Variants in RPSA2 observed in about 807,000 individuals in gnomAD.
The protein encoded by RPSA2 is small ribosomal subunit protein uS2B.
At chr19:23,806,228 A>G in the RPSA2 span, among the ~76,000 whole-genome samples, 1 of 151,770 alleles carries the variant, frequency 6.6e-6, no homozygotes, top group Non-Finnish European at 1.5e-5. Flanking sequence ...TATTTTTAGT[A>G]GAGACGGGGT....
the RPSA2 span, among the ~76,000 whole-genome samples, chr19:23,863,429 T>C: frequency 6.6e-6 from 1 of 151,958 alleles, no homozygotes; most frequent in East Asian, 1.9e-4. Context: ...CCAGGCATCG[T>C]GATAGGCACC....
the RPSA2 span, among the ~76,000 whole-genome samples, chr19:23,859,527 T>C: frequency 3.9e-5 from 6 of 152,082 alleles, no homozygotes; most frequent in African/African-American, 2.4e-5. Context: ...CCCAGGATGC[T>C]TAGTTAGGAG....
At chr19:23,850,056 AGAG>A in the RPSA2 span, among the ~76,000 whole-genome samples, 1 of 152,064 alleles carries the variant, frequency 6.6e-6, no homozygotes, top group Admixed American at 6.5e-5. Flanking sequence ...TCTGAGGCAC[AGAG>A]GAGGGTATTT....
the RPSA2 span, among the ~76,000 whole-genome samples, chr19:23,856,725 G>A: frequency 1.3e-5 from 2 of 152,102 alleles, no homozygotes; most frequent in Non-Finnish European, 2.9e-5. Flanking sequence ...GAATTTTACA[G>A]CTGGGCCGCT....
chr19:23,867,215 A>G, the RPSA2 span, among the ~76,000 whole-genome samples: 2 of 152,012 alleles, frequency 1.3e-5, no homozygotes, highest in African/African-American at 4.8e-5. Context: ...GTAAGGATTG[A>G]CCCCCATCCT....
At chr19:23,764,458 T>C in the RPSA2 span, among the ~76,000 whole-genome samples, 1 of 152,216 alleles carries the variant, frequency 6.6e-6, no homozygotes, top group Admixed American at 6.5e-5. Context: ...TGGCAGGTTT[T>C]TAAAGATTTG....
chr19:23,819,906 T>C, the RPSA2 span, among the ~76,000 whole-genome samples: 1 of 152,202 alleles, frequency 6.6e-6, no homozygotes, highest in Non-Finnish European at 1.5e-5. Flanking sequence ...TCAATAACTG[T>C]GTTAGTTCTT....
the RPSA2 span, among the ~76,000 whole-genome samples, chr19:23,789,015 CTTTCTTTCTTT>C: frequency 3.5e-3 from 38 of 10,896 alleles, 2 homozygotes; most frequent in South Asian, 0.13. Context: ...TCTTTTTTTT[CTTTCTTTCTTT>C]TTTTTTTTTT....
chr19:23,778,995 C>CTTTTTTTTTTTTTTT, the RPSA2 span, among the ~76,000 whole-genome samples: 1 of 80,696 alleles, frequency 1.2e-5, no homozygotes, highest in African/African-American at 5.2e-5. Context: ...TTTTGTGACA[C>CTTTTTTTTTTTTTTT]TTTTTTTTTT....
chr19:23,788,915 A>G, the RPSA2 span, among the ~76,000 whole-genome samples: 1 of 148,540 alleles, frequency 6.7e-6, no homozygotes, highest in East Asian at 2.0e-4. Context: ...TGTGTGTCTC[A>G]CCTCTCAGGG....
chr19:23,851,501 T>A, the RPSA2 span, among the ~76,000 whole-genome samples: 6 of 152,212 alleles, frequency 3.9e-5, no homozygotes, highest in Non-Finnish European at 7.3e-5. Flanking sequence ...AACCACCTGT[T>A]GTAACCTTGA....
the RPSA2 span, among the ~76,000 whole-genome samples, chr19:23,782,907 C>T: frequency 2.0e-5 from 3 of 152,006 alleles, no homozygotes; most frequent in Admixed American, 2.0e-4. Context: ...ACTTGTTTGC[C>T]TAGGCCATCC....
At chr19:23,867,647 A>C in the RPSA2 span, among the ~76,000 whole-genome samples, 10 of 152,026 alleles carry the variant, frequency 6.6e-5, no homozygotes, top group African/African-American at 9.7e-5. Context: ...TGGCTAACAC[A>C]GTGAAACCCC....
the RPSA2 span, among the ~76,000 whole-genome samples, chr19:23,815,391 C>CTTGGGACCATCCTCT: frequency 6.6e-6 from 1 of 152,114 alleles, no homozygotes; most frequent in Admixed American, 6.6e-5. Flanking sequence ...TCATAAATAG[C>CTTGGGACCATCCTCT]TGGTAATCAA....
At chr19:23,835,386 GA>G in the RPSA2 span, among the ~76,000 whole-genome samples, 60 of 151,884 alleles carry the variant, frequency 4.0e-4, no homozygotes, top group African/African-American at 1.3e-3. Context: ...ATTTTTAGCA[GA>G]AAAAAATATT....
the RPSA2 span, among the ~76,000 whole-genome samples, chr19:23,791,583 C>T: frequency 2.0e-5 from 3 of 152,196 alleles, no homozygotes; most frequent in East Asian, 5.8e-4. Flanking sequence ...GTCCACCCCT[C>T]ATCCCATATT....
chr19:23,838,915 C>A, the RPSA2 span, among the ~76,000 whole-genome samples: 1 of 152,018 alleles, frequency 6.6e-6, no homozygotes, highest in African/African-American at 2.4e-5. Context: ...CATTTACCTT[C>A]TGTATTTTTT....
the RPSA2 span, among the ~76,000 whole-genome samples, chr19:23,813,364 T>C: frequency 2.6e-5 from 4 of 152,330 alleles, no homozygotes; most frequent in South Asian, 2.1e-4. Context: ...TTACTCATTT[T>C]ATGCTCTCTC....
At chr19:23,833,050 C>G in the RPSA2 span, 3 of 1,355,720 alleles carry the variant, frequency 2.2e-6, no homozygotes, top group Non-Finnish European at 1.9e-6. Flanking sequence ...TGGAAAGAAA[C>G]CCTACAAGTG....
Sources: gnomAD v4.1 joint callset for allele counts (sites outside exome capture counted in the v4.1 genomes callset) on GRCh38, gnomAD v4.1.1 for gene constraint, MANE v1.5 for transcripts, NCBI Gene and HGNC (gene_info 2026-07-23, HGNC 2026-07-21) for gene names.